DNAI1: variants seen among roughly 807,000 people sequenced by gnomAD.
The protein encoded by DNAI1 is dynein, axonemal, intermediate polypeptide 1.
A neutral mutation model predicts 92.0 loss-of-function variants in DNAI1; 67 were observed. The observed-to-expected ratio is 0.73, with a 90% CI of 0.60 to 0.89. DNAI1 has a LOEUF of 0.89. Ranked by LOEUF, DNAI1 falls within the 40% of genes least tolerant of loss-of-function variation. DNAI1 has a pLI of 0.00. For synonymous variants in DNAI1, 323 were observed against 319.6 expected (o/e 1.01, Z -0.11); for missense variants, 839 against 866.6 (o/e 0.97, Z 0.40).
At chr9:34,500,894 A>C (rs1824818848) in intron 11 of DNAI1, 55 bp downstream of exon 11, 4 of 1,366,200 alleles carry the variant, frequency 2.9e-6, no homozygotes, top group Non-Finnish European at 4.2e-6. Flanking sequence ...CTACATCCCA[A>C]ACCCCCAGTA....
intron 10 of DNAI1, among the ~76,000 whole-genome samples, 183 bp from the exon 11 acceptor site, chr9:34,500,539 T>C (rs1824807862): frequency 6.6e-6 from 1 of 152,218 alleles, no homozygotes; most frequent in Non-Finnish European, 1.5e-5. Flanking sequence ...TTCTAAGCTC[T>C]TTGCATATAT....
intron 1 of DNAI1, among the ~76,000 whole-genome samples, chr9:34,480,537 G>A (rs1182314400): frequency 8.6e-5 from 13 of 151,950 alleles, no homozygotes; most frequent in Non-Finnish European, 7.4e-5. Flanking sequence ...CTCAGCCTGG[G>A]ATTACAGGCA....
At chr9:34,486,078 T>C (rs1824463710) in intron 4 of DNAI1, among the ~76,000 whole-genome samples, 1 of 152,182 alleles carries the variant, frequency 6.6e-6, no homozygotes, top group Admixed American at 6.5e-5. Context: ...CATATTGATA[T>C]GCCTATATAG....
At position 34,512,372 on chromosome 9, in the gene DNAI1, G is replaced by A; in HGVS notation, c.1437G>A (p.Lys479=). ...TTCACATAGATGTCATCAAGCTGAA[G>A]GTGGAAGGCAGCACCACGGAAGTTC... is the stretch of plus-strand genomic sequence containing the variant. ...KLVHIDVIKL[K]VEGSTTEVPE... The change falls in exon 15 of 20, where the codon AAG becomes AAA. Residue 479 remains lysine, a synonymous_variant. Transcript: ENST00000242317. 6.2e-7 allele frequency: 1 copy of A among 1,614,162 alleles called. No individual in the cohort carries two copies. Among genetic ancestry groups the A allele is most frequent in the East Asian group, 2.2e-5 (1 of 44,874 alleles).
At chr9:34,465,473 A>G (rs1824020950) in intron 1 of DNAI1, among the ~76,000 whole-genome samples, 1 of 152,246 alleles carries the variant, frequency 6.6e-6, no homozygotes, top group African/African-American at 2.4e-5. Flanking sequence ...TCTGGAAGTG[A>G]TAACTAGAAA....
chr9:34,514,643 C>T lies in DNAI1; in HGVS notation c.1722C>T (p.Thr574=), dbSNP rs548602580. The T allele has an allele frequency of 2.3e-5, 37 of 1,614,204 alleles. No individual in the cohort carries two copies. The South Asian group carries it at 3.6e-4, about 16-fold the overall frequency. The change falls in exon 18 of 20, where the codon ACC becomes ACT. Residue 574 remains threonine (T), a synonymous_variant. Transcript: ENST00000242317. ...TVKIWDHTIK[T]PMFIYDLNSA... is the part of the protein sequence containing the mutation. ...TTTCCACCCTCCACCTCTGCAGGAC[C>T]CCGATGTTCATCTATGACCTGAACT...
chr9:34,472,314 A>C (rs1824152462), intron 1 of DNAI1, among the ~76,000 whole-genome samples: 1 of 152,226 alleles, frequency 6.6e-6, no homozygotes. Flanking sequence ...GCCTTGCTCA[A>C]CGTCTTACAT....
chr9:34,476,291 A>G (rs1824234599), intron 1 of DNAI1, among the ~76,000 whole-genome samples: 1 of 145,682 alleles, frequency 6.9e-6, no homozygotes, highest in African/African-American at 2.8e-5. Context: ...GACTTCAAAC[A>G]TCTGCCCTTG....
At chr9:34,469,529 A>G (rs1383156915) in intron 1 of DNAI1, among the ~76,000 whole-genome samples, 1 of 151,694 alleles carries the variant, frequency 6.6e-6, no homozygotes, top group Non-Finnish European at 1.5e-5. Context: ...AGCCTCCCAA[A>G]GTGCTGGGAC....
At chr9:34,473,641 G>C (rs1053974364) in intron 1 of DNAI1, among the ~76,000 whole-genome samples, 3 of 152,016 alleles carry the variant, frequency 2.0e-5, no homozygotes, top group Non-Finnish European at 4.4e-5. Context: ...TAATTTTTTG[G>C]GGTGAGAACA....
intron 12 of DNAI1, among the ~76,000 whole-genome samples, chr9:34,504,586 AT>A (rs746912443): frequency 1.3e-4 from 20 of 152,194 alleles, no homozygotes; most frequent in Non-Finnish European, 2.2e-4. Context: ...TGTTTGCCTC[AT>A]TTTCCCTAAA....
At chr9:34,482,906 C>T (rs540169057) in intron 1 of DNAI1, among the ~76,000 whole-genome samples, 1 of 152,342 alleles carries the variant, frequency 6.6e-6, no homozygotes, top group East Asian at 1.9e-4. Context: ...CGAGCCCTGC[C>T]CCGTGGGAAG....
chr9:34,486,156 G>A (rs1318902433), intron 4 of DNAI1, among the ~76,000 whole-genome samples: 1 of 152,168 alleles, frequency 6.6e-6, no homozygotes, highest in Non-Finnish European at 1.5e-5. Flanking sequence ...GAATTTCCGA[G>A]TACATTTGAG....
intron 1 of DNAI1, among the ~76,000 whole-genome samples, chr9:34,466,510 C>G (rs1277813289): frequency 6.6e-6 from 1 of 152,188 alleles, no homozygotes; most frequent in Non-Finnish European, 1.5e-5. Flanking sequence ...CTTCTCTTCT[C>G]TTTCTGCCCT....
intron 9 of DNAI1, 49 bp from the exon 10 acceptor site, chr9:34,497,066 C>T (rs767463731): frequency 1.5e-5 from 21 of 1,436,754 alleles, no homozygotes; most frequent in Non-Finnish European, 1.9e-5. Context: ...GACATATGAC[C>T]TTGCTAAGTG....
rs147612331 is a variant in DNAI1, at chr9:34,460,688, G to A, written c.48+1635G>A. Among the ~76,000 whole-genome samples the A allele has an allele frequency of 2.2e-3, 339 of 152,128 alleles. 5 individuals carry two copies. In the East Asian group the frequency reaches 0.044, roughly 20 times the overall value. ...TTGTATTTTTTATTTTTGAGACGGA[G>A]TTTCACTCTTGTCACCCAGGGTGGA... On this transcript the variant is annotated intron_variant, in intron 1 of 19. Coordinates refer to ENST00000242317, the MANE Select transcript of DNAI1 (RefSeq NM_012144.4).
intron 1 of DNAI1, among the ~76,000 whole-genome samples, chr9:34,482,990 C>T (rs576250838): frequency 7.2e-5 from 11 of 152,346 alleles, no homozygotes; most frequent in South Asian, 6.2e-4. Context: ...GTACACCCTC[C>T]GCAGCCACTG....
chr9:34,482,826 C>T (rs561780419), intron 1 of DNAI1, among the ~76,000 whole-genome samples: 33 of 152,328 alleles, frequency 2.2e-4, no homozygotes, highest in South Asian at 6.2e-4. Context: ...TGGTGCTCGT[C>T]GGGGAGGCTG....
chr9:34,491,501 G>C lies in DNAI1; in HGVS notation c.628G>C (p.Glu210Gln), dbSNP rs137937295. 3.8e-5 allele frequency: 61 copies of C among 1,614,076 alleles called. No individual in the cohort carries two copies. Among genetic ancestry groups the C allele is most frequent in the Non-Finnish European group, 5.1e-5 (60 of 1,180,054 alleles). ...CTGTTGTCTTGTTCTTTAGGATCGA[G>C]AATGCCAGACGGAGCCTCCTCCCAG... ...QTYNNPVRDR[E>Q]CQTEPPPRTN... The change falls in exon 8 of 20, where the codon GAA becomes CAA. Residue 210 changes from glutamate (E) to glutamine (Q), a missense_variant. Glu to Gln is a conservative substitution (Grantham distance 29). Coordinates refer to ENST00000242317, the MANE Select transcript of DNAI1 (RefSeq NM_012144.4).
Sources: gnomAD v4.1 joint callset for allele counts (sites outside exome capture counted in the v4.1 genomes callset) on GRCh38, gnomAD v4.1.1 for gene constraint, MANE v1.5 for transcripts, NCBI Gene and HGNC (gene_info 2026-07-23, HGNC 2026-07-21) for gene names.